The following HEG1 variants were observed in gnomAD, a reference collection of about 807,000 sequenced individuals.
The protein encoded by HEG1 is heart development protein with EGF like domains 1.
HEG1 carries 56 observed loss-of-function variants against 125.6 expected under a neutral mutation model. The ratio of observed to expected loss-of-function variants is 0.45; its 90% CI spans 0.36 to 0.56. HEG1 has a LOEUF of 0.56. HEG1 is among the 20% of genes least tolerant of loss of function. The probability of loss-of-function intolerance (pLI) is 0.00; values close to 1 mark genes in which losing one functional copy is unlikely to be tolerated. For synonymous variants in HEG1, 644 were observed against 668.5 expected, an observed-to-expected ratio of 0.96 and a Z score of 0.57; for missense variants, 1,523 against 1,670.0, an observed-to-expected ratio of 0.91 and a Z score of 1.53.
chr3:125,043,145 C>A (rs937353043), intron 1 of HEG1, among the ~76,000 whole-genome samples: 2 of 152,222 alleles, frequency 1.3e-5, no homozygotes, highest in African/African-American at 4.8e-5. Context: ...AGCGCTCTAG[C>A]GATGAAGAAA....
intron 9 of HEG1, 115 bp downstream of exon 9, chr3:125,005,150 T>C: frequency 1.5e-6 from 1 of 654,344 alleles, no homozygotes; most frequent in Non-Finnish European, 2.7e-6. Context: ...CTTCCAAATA[T>C]AACAAAAGTG....
chr3:124,995,716 C>T (rs75074855), intron 12 of HEG1, among the ~76,000 whole-genome samples: 3 of 152,322 alleles, frequency 2.0e-5, no homozygotes, highest in Non-Finnish European at 2.9e-5. Context: ...AAGGGCTTCA[C>T]GGGGTCTCAG....
intron 5 of HEG1, among the ~76,000 whole-genome samples, chr3:125,017,956 A>C (rs1007297877): frequency 2.6e-5 from 4 of 151,876 alleles, no homozygotes; most frequent in African/African-American, 9.7e-5. Flanking sequence ...GTGAACCCGG[A>C]AGTCGGAGAT....
At chr3:125,038,104 C>A (rs1937563168) in intron 1 of HEG1, among the ~76,000 whole-genome samples, 1 of 152,210 alleles carries the variant, frequency 6.6e-6, no homozygotes, top group African/African-American at 2.4e-5. Flanking sequence ...GCTAATCAAT[C>A]AAAGCTCAGT....
chr3:124,969,930 TAAC>T lies in HEG1; in HGVS notation c.*719_*721del. On this transcript the variant is annotated 3_prime_UTR_variant, in exon 17 of 17. Coordinates refer to ENST00000311127, the MANE Select transcript of HEG1 (RefSeq NM_020733.2). Reference sequence around the variant, plus strand: ...CAGGCTTGTTTGAAAAAGTGAGATTTAACTGCAAAGAGATTTAAAAAAAAAATC... The same window carrying T: ...CAGGCTTGTTTGAAAAAGTGAGATTTTGCAAAGAGATTTAAAAAAAAAATC... The T allele has an allele frequency of 6.6e-6, 1 of 152,146 alleles. No homozygotes were observed. The highest frequency in any genetic ancestry group is 1.5e-5 in the Non-Finnish European group (1 of 68,042). 9.4% of individuals were successfully genotyped at this position (152,146 alleles called of 1,614,324 possible).
intron 1 of HEG1, among the ~76,000 whole-genome samples, chr3:125,047,658 C>T (rs140720896): frequency 1.3e-5 from 2 of 152,292 alleles, no homozygotes; most frequent in Admixed American, 6.5e-5. Flanking sequence ...GAGTGAAACC[C>T]GTCCCCAAGT....
intron 14 of HEG1, among the ~76,000 whole-genome samples, chr3:124,984,332 G>T (rs1161616446): frequency 6.6e-6 from 1 of 150,890 alleles, no homozygotes; most frequent in Non-Finnish European, 1.5e-5. Context: ...CAGACCCTTT[G>T]AATGAAAGGA....
intron 1 of HEG1, among the ~76,000 whole-genome samples, chr3:125,046,392 T>C (rs866743355): frequency 6.5e-5 from 6 of 92,096 alleles, no homozygotes; most frequent in African/African-American, 3.1e-4. Flanking sequence ...TATATATATA[T>C]ACACATACAC....
rs768114736 is a variant in HEG1, at chr3:125,027,378, G to A, written c.740C>T (p.Thr247Ile). The A allele has an allele frequency of 1.2e-6, 2 of 1,614,034 alleles. No homozygotes were observed. The highest frequency in any genetic ancestry group is 1.7e-6 in the Non-Finnish European group (2 of 1,179,898). Residue 247 changes from threonine to isoleucine, a missense_variant, in exon 3 of 17, where the codon ACT becomes ATT. By Grantham distance (89) the Thr-to-Ile change is moderately conservative (BLOSUM62 -1). Coordinates refer to ENST00000311127, the MANE Select transcript of HEG1 (RefSeq NM_020733.2). Reference protein sequence around the residue: ...ERAMGLSEEWTVHSQEATTSA... With the variant: ...ERAMGLSEEWIVHSQEATTSA... ...AGTGGTGGCCTCTTGGCTGTGCACAGTCCATTCTTCTGACAGCCCCATCGC... is the reference window on the plus strand; with the variant it reads ...AGTGGTGGCCTCTTGGCTGTGCACAATCCATTCTTCTGACAGCCCCATCGC...
chr3:125,051,061 G>C (rs1937794578), intron 1 of HEG1, among the ~76,000 whole-genome samples: 1 of 152,178 alleles, frequency 6.6e-6, no homozygotes, highest in South Asian at 2.1e-4. Context: ...CATTAAGAAA[G>C]TCACCAATTC....
intron 14 of HEG1, among the ~76,000 whole-genome samples, chr3:124,985,511 C>T (rs773244574): frequency 3.3e-5 from 5 of 152,116 alleles, no homozygotes; most frequent in Non-Finnish European, 5.9e-5. Context: ...AATGTGCACG[C>T]CCTAAGAAAA....
At position 125,013,575 on chromosome 3, in the gene HEG1, AGAG is replaced by A. The variant is rs540539937; in HGVS notation, c.2001_2003del (p.Ser672del). 59 of 1,577,728 alleles carry A rather than the reference AGAG, an allele frequency of 3.7e-5. No individual in the cohort carries two copies. The highest frequency in any genetic ancestry group is 4.9e-5 in the Non-Finnish European group (57 of 1,163,532). ...GCAAAGGAGGCCCTGAAGAAGAAGA[AGAG>A]GAGGAGGAGGAAGAGGAGGAGGAGG... On this transcript the variant is annotated inframe_deletion, in exon 6 of 17. Coordinates refer to ENST00000311127, the MANE Select transcript of HEG1 (RefSeq NM_020733.2).
intron 7 of HEG1, 44 bp from the exon 8 acceptor site, chr3:125,009,868 C>T (rs1213549268): frequency 1.3e-6 from 2 of 1,573,870 alleles, no homozygotes; most frequent in East Asian, 2.3e-5. Flanking sequence ...CTGTAGCAAA[C>T]AGCAAAACCA....
At chr3:125,044,496 G>A (rs1323008371) in intron 1 of HEG1, among the ~76,000 whole-genome samples, 1 of 152,182 alleles carries the variant, frequency 6.6e-6, no homozygotes, top group African/African-American at 2.4e-5. Context: ...CAGCCACTGT[G>A]CTAAGCATTT....
chr3:125,015,971 C>A (rs1325574916), intron 5 of HEG1, among the ~76,000 whole-genome samples: 3 of 152,094 alleles, frequency 2.0e-5, no homozygotes, highest in Non-Finnish European at 4.4e-5. Flanking sequence ...GAGCACGGGC[C>A]ACGAGCATCA....
At chr3:125,043,410 A>C (rs1368613194) in intron 1 of HEG1, among the ~76,000 whole-genome samples, 5 of 148,888 alleles carry the variant, frequency 3.4e-5, no homozygotes, top group Non-Finnish European at 5.9e-5. Flanking sequence ...CTTTAAAAGG[A>C]ATTCTATAGG....
intron 3 of HEG1, among the ~76,000 whole-genome samples, chr3:125,026,926 G>A (rs944103504): frequency 6.6e-6 from 1 of 152,172 alleles, no homozygotes; most frequent in African/African-American, 2.4e-5. Context: ...CTTGAACCTG[G>A]GAGGCAGAGG....
Position 125,010,540 on chromosome 3 carries a change from A to G in HEG1, c.2972T>C (p.Val991Ala). ...SSSASVNSCA[V>A]NPCLHNGECV... ...TTCGCCATTGTGAAGACAAGGGTTCACAGCACAGCTGTTGACTACAAACAC... is the reference window on the plus strand; with the variant it reads ...TTCGCCATTGTGAAGACAAGGGTTCGCAGCACAGCTGTTGACTACAAACAC... Residue 991 changes from valine (V) to alanine (A), a missense_variant, in exon 7 of 17, where the codon GTG becomes GCG. By Grantham distance (64) the Val-to-Ala change is moderately conservative. Coordinates refer to ENST00000311127, the MANE Select transcript of HEG1 (RefSeq NM_020733.2). The G allele has an allele frequency of 1.3e-6, 2 of 1,556,124 alleles. No individual in the cohort carries two copies. The highest frequency in any genetic ancestry group is 1.7e-6 in the Non-Finnish European group (2 of 1,149,078).
intron 15 of HEG1, 25 bp downstream of exon 15, chr3:124,977,834 T>A: frequency 6.7e-7 from 1 of 1,493,152 alleles, no homozygotes. Flanking sequence ...GGAACGGGAT[T>A]GGAACCTGAA....
Sources: gnomAD v4.1 joint callset for allele counts (sites outside exome capture counted in the v4.1 genomes callset) on GRCh38, gnomAD v4.1.1 for gene constraint, MANE v1.5 for transcripts, NCBI Gene and HGNC (gene_info 2026-07-23, HGNC 2026-07-21) for gene names.